Variants in ZNF804A observed in about 807,000 individuals in gnomAD.
ZNF804A encodes the protein zinc finger protein 804A.
Under a neutral mutation model 16.5 loss-of-function variants are expected in ZNF804A, and 2 were observed. The ratio of observed to expected loss-of-function variants is 0.12; its 90% confidence interval spans 0.05 to 0.38. The LOEUF (loss-of-function observed/expected upper bound fraction) is 0.38. ZNF804A is among the 10% of genes least tolerant of loss of function. ZNF804A has a pLI of 0.99. For missense variants in ZNF804A, 1,473 were observed against 1,390.7 expected (o/e 1.06, Z -0.94); for synonymous variants, 534 against 489.6 (o/e 1.09, Z -1.20).
chr2:184,864,255 A>T (rs1695841912), intron 1 of ZNF804A, among the ~76,000 whole-genome samples: 1 of 152,088 alleles, frequency 6.6e-6, no homozygotes. Flanking sequence ...AGCAAGAGAG[A>T]GCTATAGGAA....
intron 1 of ZNF804A, among the ~76,000 whole-genome samples, chr2:184,670,863 A>ATGTG (rs1458095387): frequency 6.6e-6 from 1 of 152,056 alleles, no homozygotes; most frequent in East Asian, 1.9e-4. Flanking sequence ...ATGGGTGTCT[A>ATGTG]TGTGTGCATT....
At chr2:184,728,576 A>G (rs1415492724) in intron 1 of ZNF804A, among the ~76,000 whole-genome samples, 1 of 151,908 alleles carries the variant, frequency 6.6e-6, no homozygotes. Flanking sequence ...GGTCTGACAG[A>G]CTGTCTGAAG....
At position 184,938,825 on chromosome 2, in the gene ZNF804A, A is replaced by T. The variant is rs1685845166; in HGVS notation, c.3429A>T (p.Leu1143Phe). 6.2e-7 allele frequency: 1 copy of T among 1,613,726 alleles called. No individual in the cohort carries two copies. Among genetic ancestry groups the T allele is most frequent in the Non-Finnish European group, 8.5e-7 (1 of 1,179,930 alleles). The change falls in exon 4 of 4, where the codon TTA (leucine) becomes TTT (phenylalanine). Residue 1143 changes from leucine to phenylalanine, a missense_variant. Coordinates refer to ENST00000302277, the MANE Select transcript of ZNF804A (RefSeq NM_194250.2). The stretch of plus-strand genomic sequence containing the variant: ...TCCCAGCTCTCACCAGAACCTCATT[A>T]CCTCAGCTCTCAGTAGGACCAGTAG... ...SQIPALTRTS[L>F]PQLSVGPVGP...
intron 1 of ZNF804A, among the ~76,000 whole-genome samples, chr2:184,815,702 G>T (rs1694973000): frequency 6.6e-6 from 1 of 151,452 alleles, no homozygotes; most frequent in Non-Finnish European, 1.5e-5. Context: ...TTTTTTCCTG[G>T]ATAGAATTCA....
intron 1 of ZNF804A, among the ~76,000 whole-genome samples, chr2:184,656,330 A>G (rs1030009945): frequency 6.6e-6 from 1 of 152,138 alleles, no homozygotes; most frequent in African/African-American, 2.4e-5. Flanking sequence ...TACTAAATTT[A>G]TAGGAGTGTT....
At chr2:184,741,581 G>T (rs1693709909) in intron 1 of ZNF804A, among the ~76,000 whole-genome samples, 1 of 152,074 alleles carries the variant, frequency 6.6e-6, no homozygotes, top group South Asian at 2.1e-4. Flanking sequence ...ATTTTATCAG[G>T]CAGGGCATTC....
chr2:184,925,884 T>C (rs778984942), intron 2 of ZNF804A, among the ~76,000 whole-genome samples: 1 of 151,712 alleles, frequency 6.6e-6, no homozygotes. Context: ...TTATTTTTTG[T>C]TGTTTCTGTT....
chr2:184,859,710 A>G (rs776055406), intron 1 of ZNF804A, among the ~76,000 whole-genome samples: 76 of 152,174 alleles, frequency 5.0e-4, no homozygotes, highest in Non-Finnish European at 9.4e-4. Flanking sequence ...CATTAGAAAT[A>G]GTTTATTATT....
intron 1 of ZNF804A, among the ~76,000 whole-genome samples, chr2:184,687,843 G>C (rs541179230): frequency 1.3e-5 from 2 of 152,170 alleles, no homozygotes; most frequent in Non-Finnish European, 2.9e-5. Flanking sequence ...CATAGGCCAG[G>C]CGTGGTGGTT....
chr2:184,860,048 G>A (rs905374360), intron 1 of ZNF804A, among the ~76,000 whole-genome samples: 2 of 152,212 alleles, frequency 1.3e-5, no homozygotes, highest in African/African-American at 4.8e-5. Flanking sequence ...CATGAGGACT[G>A]GCTTGGAACC....
chr2:184,740,632 C>CA (rs1157929012), intron 1 of ZNF804A, among the ~76,000 whole-genome samples: 1 of 152,052 alleles, frequency 6.6e-6, no homozygotes, highest in Non-Finnish European at 1.5e-5. Flanking sequence ...GTTTTTAGGG[C>CA]AAGAGAAAGA....
Position 184,937,199 on chromosome 2 carries a change from G to A in ZNF804A, c.1803G>A (p.Lys601=). 3.1e-6 allele frequency: 5 copies of A among 1,599,370 alleles called. No individual in the cohort carries two copies. Among genetic ancestry groups the A allele is most frequent in the Non-Finnish European group, 4.2e-6 (5 of 1,176,628 alleles). The change falls in exon 4 of 4, where the codon AAG becomes AAA. Residue 601 remains lysine, a synonymous_variant. Transcript: ENST00000302277. The part of the protein sequence containing the change: ...HKSRRKKKRK[K]LCQHHHMEKT... ...GTAGAAGAAAGAAAAAAAGAAAAAA[G>A]TTATGTCAGCATCATCATATGGAGA...
At chr2:184,720,241 A>C (rs1403301482) in intron 1 of ZNF804A, among the ~76,000 whole-genome samples, 1 of 152,170 alleles carries the variant, frequency 6.6e-6, no homozygotes, top group African/African-American at 2.4e-5. Context: ...CCCATAACAC[A>C]TGGGAATTCA....
chr2:184,847,549 CAAGATA>C (rs1306293257), intron 1 of ZNF804A, among the ~76,000 whole-genome samples: 1 of 152,046 alleles, frequency 6.6e-6, no homozygotes, highest in Non-Finnish European at 1.5e-5. Context: ...AAGATTTCAA[CAAGATA>C]AAGACTAGCA....
At chr2:184,607,881 T>C (rs1049928190) in intron 1 of ZNF804A, among the ~76,000 whole-genome samples, 4 of 151,314 alleles carry the variant, frequency 2.6e-5, no homozygotes, top group Non-Finnish European at 5.9e-5. Flanking sequence ...GTTGGGAACA[T>C]TGGTATTTGT....
intron 1 of ZNF804A, among the ~76,000 whole-genome samples, chr2:184,852,823 TAAC>T (rs34714790): frequency 0.15 from 23,087 of 151,702 alleles, 1,937 homozygotes; most frequent in Middle Eastern, 0.24. Flanking sequence ...TTTATAATGT[TAAC>T]AACATGTTGG....
chr2:184,764,764 G>C (rs891335459), intron 1 of ZNF804A, among the ~76,000 whole-genome samples: 2 of 151,960 alleles, frequency 1.3e-5, no homozygotes, highest in African/African-American at 4.8e-5. Context: ...ATATTTGTCT[G>C]TCGCAAATGA....
At chr2:184,616,051 A>G (rs1691313863) in intron 1 of ZNF804A, among the ~76,000 whole-genome samples, 1 of 151,920 alleles carries the variant, frequency 6.6e-6, no homozygotes, top group African/African-American at 2.4e-5. Flanking sequence ...TTTCCAATAA[A>G]CCTATTTTAT....
At chr2:184,869,708 G>A (rs1335551924) in intron 2 of ZNF804A, among the ~76,000 whole-genome samples, 1 of 152,016 alleles carries the variant, frequency 6.6e-6, no homozygotes, top group Non-Finnish European at 1.5e-5. Flanking sequence ...ATGAGGATCT[G>A]TTTTCACTTC....
Sources: gnomAD v4.1 joint callset for allele counts (sites outside exome capture counted in the v4.1 genomes callset) on GRCh38, gnomAD v4.1.1 for gene constraint, MANE v1.5 for transcripts, NCBI Gene and HGNC (gene_info 2026-07-23, HGNC 2026-07-21) for gene names.